The following PPARGC1A variants were observed in gnomAD, a reference collection of about 807,000 sequenced individuals.
PPARGC1A encodes the protein PPARG coactivator 1 alpha.
A neutral mutation model predicts 88.7 loss-of-function variants in PPARGC1A; 25 were observed. The observed-to-expected ratio is 0.28, with a 90% confidence interval of 0.21 to 0.39. The LOEUF (loss-of-function observed/expected upper bound fraction) is 0.39, where lower values mean the gene tolerates loss of function less well. Among genes scored for constraint, PPARGC1A ranks in the 10% least tolerant of loss-of-function variants. PPARGC1A has a pLI of 1.00. For missense variants in PPARGC1A, 880 were observed against 968.7 expected (o/e 0.91, Z 1.22); for synonymous variants, 363 against 355.6 (o/e 1.02, Z -0.24).
intron 2 of PPARGC1A, among the ~76,000 whole-genome samples, chr4:23,851,832 C>G (rs1411708492): frequency 3.3e-5 from 5 of 152,174 alleles, no homozygotes; most frequent in East Asian, 1.9e-4. Context: ...CTTACAGAAG[C>G]TATTTTAAAA....
At chr4:24,133,419 C>T in the PPARGC1A span, among the ~76,000 whole-genome samples, 1 of 152,168 alleles carries the variant, frequency 6.6e-6, no homozygotes, top group Admixed American at 6.5e-5. Context: ...CATATTTACA[C>T]TACAGAAATA....
At chr4:24,046,652 C>A in the PPARGC1A span, among the ~76,000 whole-genome samples, 3 of 152,130 alleles carry the variant, frequency 2.0e-5, no homozygotes. Context: ...ATGTGTTCAT[C>A]AAAACTCATT....
chr4:24,144,331 T>C, the PPARGC1A span, among the ~76,000 whole-genome samples: 3 of 152,158 alleles, frequency 2.0e-5, no homozygotes, highest in African/African-American at 7.2e-5. Context: ...TATATATTCT[T>C]ATTAGGACAT....
the PPARGC1A span, among the ~76,000 whole-genome samples, chr4:24,022,521 A>G: frequency 6.6e-6 from 1 of 152,138 alleles, no homozygotes; most frequent in African/African-American, 2.4e-5. Context: ...GATTCCAAGC[A>G]CCTAGCAAAG....
At chr4:24,387,935 A>AAAGAAAGAAG in the PPARGC1A span, among the ~76,000 whole-genome samples, 1 of 7,358 alleles carries the variant, frequency 1.4e-4, no homozygotes, top group East Asian at 2.2e-3. Flanking sequence ...AGAAAGAAAG[A>AAAGAAAGAAG]GAAAGAAAGA....
At chr4:24,464,879 C>T in the PPARGC1A span, among the ~76,000 whole-genome samples, 1 of 152,230 alleles carries the variant, frequency 6.6e-6, no homozygotes, top group East Asian at 1.9e-4. Flanking sequence ...AGCGTAACCT[C>T]TTCTGGTCAA....
intron 7 of PPARGC1A, among the ~76,000 whole-genome samples, chr4:23,823,369 T>TA (rs556662584): frequency 8.6e-5 from 13 of 152,046 alleles, no homozygotes; most frequent in Middle Eastern, 3.4e-3. Flanking sequence ...CCCCAAATAG[T>TA]AAAAAATAAG....
chr4:24,219,660 T>A, the PPARGC1A span, among the ~76,000 whole-genome samples: 1 of 152,120 alleles, frequency 6.6e-6, no homozygotes. Flanking sequence ...CCTCCCCTCC[T>A]CCAAACATGG....
the PPARGC1A span, among the ~76,000 whole-genome samples, chr4:24,146,524 G>A: frequency 4.6e-5 from 7 of 152,212 alleles, no homozygotes; most frequent in Admixed American, 1.3e-4. Flanking sequence ...GGGGCACCTC[G>A]GTCTGCTGAC....
the PPARGC1A span, among the ~76,000 whole-genome samples, chr4:24,319,054 TAAAG>T: frequency 6.6e-6 from 1 of 151,882 alleles, no homozygotes; most frequent in Non-Finnish European, 1.5e-5. Context: ...AGATAAAAAA[TAAAG>T]AAACTCGGCT....
Position 23,811,952 on chromosome 4 carries a change from C to T in PPARGC1A, c.2019+795G>A, listed in dbSNP as rs188802851. Among the ~76,000 whole-genome samples the T allele has an allele frequency of 3.6e-3, 377 of 106,024 alleles. 4 individuals are homozygous for T. The highest frequency in any genetic ancestry group is 0.013 in the African/African-American group (353 of 26,848). 69.6% of individuals were successfully genotyped at this position (106,024 alleles called of 152,430 possible). ...TTTTTTTTTGAGACAGAGTCTCACT[C>T]TGTCACCCAGGCTGGAGTTCCGTGG... On this transcript the variant is annotated intron_variant, in intron 10 of 12. Coordinates refer to ENST00000264867, the MANE Select transcript of PPARGC1A (RefSeq NM_013261.5).
chr4:24,083,862 T>G, the PPARGC1A span, among the ~76,000 whole-genome samples: 12 of 152,214 alleles, frequency 7.9e-5, no homozygotes, highest in Admixed American at 6.5e-4. Context: ...CTGCATCTTA[T>G]TTCGTTTTTG....
At chr4:24,303,587 G>T in the PPARGC1A span, among the ~76,000 whole-genome samples, 1 of 152,300 alleles carries the variant, frequency 6.6e-6, no homozygotes, top group African/African-American at 2.4e-5. Context: ...TTAGGTAACA[G>T]AAATTCAATT....
chr4:23,973,244 T>C, the PPARGC1A span, among the ~76,000 whole-genome samples: 2 of 152,240 alleles, frequency 1.3e-5, no homozygotes, highest in Admixed American at 1.3e-4. Context: ...GCCAAAAATG[T>C]CACAAATTAG....
At chr4:24,164,625 GTTGAT>G in the PPARGC1A span, among the ~76,000 whole-genome samples, 1 of 152,110 alleles carries the variant, frequency 6.6e-6, no homozygotes, top group African/African-American at 2.4e-5. Context: ...ACAGAAAGGG[GTTGAT>G]TTGATTTTGT....
the PPARGC1A span, among the ~76,000 whole-genome samples, chr4:24,200,849 G>A: frequency 6.6e-6 from 1 of 152,056 alleles, no homozygotes; most frequent in Non-Finnish European, 1.5e-5. Context: ...ATTTTATATG[G>A]TTTTTCAATC....
At chr4:24,218,840 C>T in the PPARGC1A span, among the ~76,000 whole-genome samples, 5 of 152,020 alleles carry the variant, frequency 3.3e-5, no homozygotes, top group African/African-American at 4.8e-5. Flanking sequence ...CACATTTAGT[C>T]TTTTTCCTGA....
intron 2 of PPARGC1A, among the ~76,000 whole-genome samples, chr4:23,845,224 T>A (rs1361540966): frequency 6.6e-6 from 1 of 152,026 alleles, no homozygotes; most frequent in Non-Finnish European, 1.5e-5. Flanking sequence ...ATAACCAGTG[T>A]TTTTTACATT....
At chr4:23,853,754 G>A (rs578153377) in intron 2 of PPARGC1A, among the ~76,000 whole-genome samples, 3 of 152,240 alleles carry the variant, frequency 2.0e-5, no homozygotes, top group Non-Finnish European at 4.4e-5. Context: ...ATAAAACAAC[G>A]ATTTAATTTC....
Sources: allele counts gnomAD v4.1 joint callset (sites outside exome capture counted in the v4.1 genomes callset), GRCh38; gene constraint gnomAD v4.1.1; transcripts MANE v1.5; gene names NCBI Gene and HGNC (gene_info 2026-07-23, HGNC 2026-07-21).